MMAB: variants seen among roughly 807,000 people sequenced by gnomAD.
The protein encoded by MMAB is metabolism of cobalamin associated B.
MMAB carries 17 observed loss-of-function variants against 30.6 expected under a neutral mutation model. The observed-to-expected ratio is 0.56, with a 90% CI of 0.38 to 0.83. MMAB has a LOEUF of 0.83. Ranked by LOEUF, MMAB falls within the 40% of genes least tolerant of loss-of-function variation. The probability of loss-of-function intolerance (pLI) is 0.00; values close to 1 mark genes in which losing one functional copy is unlikely to be tolerated. For missense variants in MMAB, 311 were observed against 331.6 expected, an observed-to-expected ratio of 0.94 and a Z score of 0.48; for synonymous variants, 134 against 138.6, an observed-to-expected ratio of 0.97 and a Z score of 0.23.
rs1275270596 is a variant in MMAB, at chr12:109,563,809, G to A, written c.348+1310C>T. Reference sequence around the variant, plus strand: ...ACCCTCCGTCTGTTCCCAGGGGCCTGAGCAGGCTCCAGCCTGGGCTTCAGA... The same window carrying A: ...ACCCTCCGTCTGTTCCCAGGGGCCTAAGCAGGCTCCAGCCTGGGCTTCAGA... On this transcript the variant is annotated intron_variant, in intron 4 of 8. Coordinates refer to ENST00000545712, the MANE Select transcript of MMAB (RefSeq NM_052845.4). Among the ~76,000 whole-genome samples the A allele has an allele frequency of 5.3e-5, 8 of 152,216 alleles. No individual in the cohort carries two copies. The East Asian group carries it at 1.2e-3, about 22-fold the overall frequency.
intron 8 of MMAB, 71 bp downstream of exon 8, chr12:109,559,025 C>T: frequency 8.4e-7 from 1 of 1,186,392 alleles, no homozygotes; most frequent in Non-Finnish European, 1.3e-6. Flanking sequence ...TCCCGGACCG[C>T]TGCACCGCTG....
At position 109,556,444 on chromosome 12, in the gene MMAB, A is replaced by G; in HGVS notation, c.*584T>C. 1 of 454,086 alleles carries G rather than the reference A, an allele frequency of 2.2e-6. No homozygotes were observed. Among genetic ancestry groups the G allele is most frequent in the South Asian group, 1.6e-5 (1 of 64,474 alleles). The allele number at this position is 454,086 out of a possible 1,614,324, so 28.1% of individuals were successfully genotyped here. A position where few individuals can be genotyped will look rare whatever the true frequency, so the allele number is the denominator to read the frequency against. ...AGGAGTTTCTGAGCCTCGCCTGTCAATCTGCAGCTATCCTTCCCCCACACT... is the reference window on the plus strand; with the variant it reads ...AGGAGTTTCTGAGCCTCGCCTGTCAGTCTGCAGCTATCCTTCCCCCACACT... On this transcript the variant is annotated 3_prime_UTR_variant, in exon 9 of 9. Coordinates refer to ENST00000545712, the MANE Select transcript of MMAB (RefSeq NM_052845.4).
At position 109,557,425 on chromosome 12, in the gene MMAB, CTG is replaced by C. The variant is rs1271609411; in HGVS notation, c.645-291_645-290del. ...GGGGCAGATGACTTTGGACTCCTCT[CTG>C]AGCCGGTTTTTGCACCTTTGAGTGA... On this transcript the variant is annotated intron_variant, in intron 8 of 8. Coordinates refer to ENST00000545712, the MANE Select transcript of MMAB (RefSeq NM_052845.4). 3.3e-5 allele frequency among the ~76,000 whole-genome samples: 5 copies of C among 152,342 alleles called. No individual in the cohort carries two copies. In the East Asian group the frequency reaches 9.7e-4, roughly 29 times the overall value.
Position 109,565,159 on chromosome 12 carries a change from A to G in MMAB, c.308T>C (p.Val103Ala). 1.2e-6 allele frequency: 2 copies of G among 1,613,924 alleles called. No homozygotes were observed. The highest frequency in any genetic ancestry group is 1.7e-6 in the Non-Finnish European group (2 of 1,179,842). The change falls in exon 4 of 9, where the codon GTC becomes GCC. Residue 103 changes from valine to alanine, a missense_variant. Coordinates refer to ENST00000545712, the MANE Select transcript of MMAB (RefSeq NM_052845.4). Reference sequence around the variant, plus strand: ...GGCAAATGTATGGCCCTTTTCTGTGACTAATTCCAGAGCAAACCTATGAAG... The same window carrying G: ...GGCAAATGTATGGCCCTTTTCTGTGGCTAATTCCAGAGCAAACCTATGAAG... ...SSAIGFALEL[V>A]TEKGHTFAEE...
At chr12:109,563,344 T>C (rs1884282695) in intron 4 of MMAB, among the ~76,000 whole-genome samples, 1 of 152,204 alleles carries the variant, frequency 6.6e-6, no homozygotes, top group Non-Finnish European at 1.5e-5. Context: ...GGACATTAAC[T>C]TCCACCTCAC....
At chr12:109,573,176 T>C (rs533916360) in intron 1 of MMAB, 171 bp downstream of exon 1, 10 of 792,864 alleles carry the variant, frequency 1.3e-5, no homozygotes, top group Admixed American at 8.4e-5. Flanking sequence ...AGGCAAAGAC[T>C]ACCTGGTCTC....
In MMAB at chr12:109,554,315, TTC is replaced by T; in HGVS notation, c.*2711_*2712del. ...GGCTGGTGTCACTGTGACTGTGGGC[TTC>T]TCTCTGACACAAGAGCCAACTGCCA... On this transcript the variant is annotated 3_prime_UTR_variant, in exon 9 of 9. Coordinates refer to ENST00000545712, the MANE Select transcript of MMAB (RefSeq NM_052845.4). 2.2e-6 allele frequency: 1 copy of T among 454,072 alleles called. No homozygotes were observed. The highest frequency in any genetic ancestry group is 1.6e-5 in the South Asian group (1 of 64,478). 28.1% of individuals were successfully genotyped at this position (454,072 alleles called of 1,614,324 possible).
rs1884741154 is a variant in MMAB, at chr12:109,573,426, G to GGCCAAGACGGCTCCC, written c.54_55insGGGAGCCGTCTTGGC (p.Leu18_Arg19insGlySerArgLeuGly). 1 of 1,607,470 alleles carries GGCCAAGACGGCTCCC rather than the reference G, an allele frequency of 6.2e-7. No homozygotes were observed. The highest frequency in any genetic ancestry group is 2.2e-5 in the East Asian group (1 of 44,714). ...AGCCTGGCGGCGCCGAAGCACCCGC[G>GGCCAAGACGGCTCCC]CAGGCCAAGACGGCTCCCCAGGCCA... is the stretch of plus-strand genomic sequence containing the variant. On this transcript the variant is annotated inframe_insertion, in exon 1 of 9. Transcript: ENST00000545712.
At position 109,554,032 on chromosome 12, in the gene MMAB, A is replaced by G. The variant is rs1006860242; in HGVS notation, c.*2996T>C. On this transcript the variant is annotated 3_prime_UTR_variant, in exon 9 of 9. Transcript: ENST00000545712. ...GTTGAGAAATGAGACAGCAGGATCT[A>G]TCAGAGCCTGGCATTGTTCGCCACA... 2.2e-6 allele frequency: 1 copy of G among 454,034 alleles called. No homozygotes were observed. Among genetic ancestry groups the G allele is most frequent in the African/African-American group, 2.0e-5 (1 of 50,022 alleles). 28.1% of individuals were successfully genotyped at this position (454,034 alleles called of 1,614,324 possible).
chr12:109,556,238 C>G lies in MMAB; in HGVS notation c.*790G>C. ...ATCAGTCTGGTGGATGTCAGCCTTG[C>G]TGGAAACTGACAACCTCATTTTCTC... On this transcript the variant is annotated 3_prime_UTR_variant, in exon 9 of 9. Coordinates refer to ENST00000545712, the MANE Select transcript of MMAB (RefSeq NM_052845.4). 2.2e-6 allele frequency: 1 copy of G among 454,106 alleles called. No homozygotes were observed. Among genetic ancestry groups the G allele is most frequent in the Non-Finnish European group, 4.4e-6 (1 of 226,790 alleles). 28.1% of individuals were successfully genotyped at this position (454,106 alleles called of 1,614,324 possible). A position where few individuals can be genotyped will look rare whatever the true frequency, so the allele number is the denominator to read the frequency against.
rs1883900272 is a variant in MMAB at position 109,554,636 on chromosome 12, G to A, written c.*2392C>T. 1 of 454,112 alleles carries A rather than the reference G, an allele frequency of 2.2e-6. No individual in the cohort carries two copies. Among genetic ancestry groups the A allele is most frequent in the Non-Finnish European group, 4.4e-6 (1 of 226,804 alleles). The allele number at this position is 454,112 out of a possible 1,614,324, so 28.1% of individuals were successfully genotyped here. ...GGTGTGCAAACACTGGGGCAGCGGG[G>A]GCTTCGCAGTCACATTTCCTGACTG... On this transcript the variant is annotated 3_prime_UTR_variant, in exon 9 of 9. Transcript: ENST00000545712.
At position 109,561,831 on chromosome 12, in the gene MMAB, C is replaced by T. The variant is rs573706523; in HGVS notation, c.370G>A (p.Val124Ile). 37 of 1,607,904 alleles carry T rather than the reference C, an allele frequency of 2.3e-5. No individual in the cohort carries two copies. Among genetic ancestry groups the T allele is most frequent in the African/African-American group, 2.7e-5 (2 of 74,802 alleles). Residue 124 changes from valine (V) to isoleucine (I), a missense_variant, in exon 5 of 9, where the codon GTC becomes ATC. Physicochemically the swap from Val to Ile is conservative, Grantham distance 29. Transcript: ENST00000545712. The surrounding 1 kb of genome is among the most constrained non-coding windows in gnomAD (Gnocchi z 5.3). ...CATGGTGTCGCCAGGGCCGAGCCGACGTCCTGCAATGTGCACTGGATCTGG... is the reference window on the plus strand; with the variant it reads ...CATGGTGTCGCCAGGGCCGAGCCGATGTCCTGCAATGTGCACTGGATCTGG... Reference protein sequence around the residue: ...LQKIQCTLQDVGSALATPCSS... With the variant: ...LQKIQCTLQDIGSALATPCSS...
At chr12:109,557,305 C>T (rs548816360) in intron 8 of MMAB, among the ~76,000 whole-genome samples, 169 bp from the exon 9 acceptor site, 2 of 152,364 alleles carry the variant, frequency 1.3e-5, no homozygotes, top group Admixed American at 6.5e-5. Context: ...GGATGGCACA[C>T]GAGGCCAGCT....
chr12:109,559,753 T>A (rs557669068), intron 7 of MMAB, among the ~76,000 whole-genome samples: 18 of 152,334 alleles, frequency 1.2e-4, no homozygotes, highest in African/African-American at 4.3e-4. Context: ...CCCTGTGGCA[T>A]ACCCCTTGTT....
intron 8 of MMAB, 59 bp from the exon 9 acceptor site, chr12:109,557,195 A>C: frequency 7.0e-6 from 8 of 1,141,822 alleles, no homozygotes; most frequent in Non-Finnish European, 1.1e-5. Flanking sequence ...ATCAACGCTA[A>C]CTGGGTCTTC....
At chr12:109,559,011 T>C (rs1328371754) in intron 8 of MMAB, 85 bp downstream of exon 8, 31 of 1,006,334 alleles carry the variant, frequency 3.1e-5, no homozygotes, top group Non-Finnish European at 1.6e-6. Context: ...TGCCCCACAC[T>C]GCTTCCCGGA....
intron 3 of MMAB, chr12:109,567,286 A>G (rs747084572): frequency 1.2e-5 from 4 of 345,730 alleles, no homozygotes; most frequent in Non-Finnish European, 2.3e-5. Flanking sequence ...GAACAGTGAG[A>G]TGGGAATTAT....
chr12:109,564,063 C>T (rs987249466), intron 4 of MMAB, among the ~76,000 whole-genome samples: 1 of 152,232 alleles, frequency 6.6e-6, no homozygotes, highest in Non-Finnish European at 1.5e-5. Context: ...TTCCCAGGTT[C>T]CCTCTGCATC....
chr12:109,561,046 T>TCGGCC lies in MMAB; in HGVS notation c.573_577dup (p.Glu193GlyfsTer23), dbSNP rs1555274497. On this transcript the variant is annotated frameshift_variant, in exon 7 of 9. Coordinates refer to ENST00000545712, the MANE Select transcript of MMAB (RefSeq NM_052845.4). LOFTEE classifies it high-confidence loss of function. This position sits in a 1 kb window ranked among gnomAD's most constrained non-coding sequence, Gnocchi z 5.3. The stretch of plus-strand genomic sequence containing the variant: ...CTCTCTCCAGCCCTCTTACCGTCTC[T>TCGGCC]CGGCCCGGCGGCACACGGCCCGGCA... 6 of 1,450,432 alleles carry TCGGCC rather than the reference T, an allele frequency of 4.1e-6. No individual in the cohort carries two copies. Among genetic ancestry groups the TCGGCC allele is most frequent in the Non-Finnish European group, 5.6e-6 (6 of 1,078,866 alleles). 89.8% of individuals were successfully genotyped at this position (1,450,432 alleles called of 1,614,324 possible).
Sources: gnomAD v4.1 joint callset for allele counts (sites outside exome capture counted in the v4.1 genomes callset) on GRCh38, gnomAD v4.1.1 for gene constraint, Gnocchi (gnomAD v3.1) non-coding constraint, MANE v1.5 for transcripts, NCBI Gene and HGNC (gene_info 2026-07-23, HGNC 2026-07-21) for gene names.